The following ACER3 variants were observed in gnomAD, a reference collection of about 807,000 sequenced individuals.
ACER3 encodes the protein alkaline ceramidase 3.
In ACER3, 16 loss-of-function variants were observed where a neutral mutation model predicts 48.9. That is an observed-to-expected ratio of 0.33 (90% CI 0.22 to 0.50). The LOEUF is 0.50. Among genes scored for constraint, ACER3 ranks in the 20% least tolerant of loss-of-function variants. The probability of loss-of-function intolerance (pLI) is 0.98; values close to 1 mark genes in which losing one functional copy is unlikely to be tolerated. For synonymous variants in ACER3, 109 were observed against 107.8 expected (o/e 1.01, Z -0.07); for missense variants, 227 against 326.0 (o/e 0.70, Z 2.34).
chr11:76,983,285 T>G (rs1006080305), intron 4 of ACER3, among the ~76,000 whole-genome samples: 3 of 152,170 alleles, frequency 2.0e-5, no homozygotes, highest in Admixed American at 1.3e-4. Context: ...TAGCCCTATG[T>G]TTTTCATGGT....
chr11:76,961,234 A>T lies in ACER3; in HGVS notation c.267+2203A>T, dbSNP rs867215595. Among the ~76,000 whole-genome samples, 6 of 152,256 alleles carry T rather than the reference A, an allele frequency of 3.9e-5. No individual in the cohort carries two copies. The South Asian group carries it at 1.0e-3, about 26-fold the overall frequency. On this transcript the variant is annotated intron_variant, in intron 3 of 10. Coordinates refer to ENST00000532485, the MANE Select transcript of ACER3 (RefSeq NM_018367.7). ...AGTCGCAAATACGGAAAAGATGAAA[A>T]CTAGAATGAGCTCTGTGGTGACAAA...
At chr11:76,893,240 C>G (rs1418851428) in intron 1 of ACER3, among the ~76,000 whole-genome samples, 1 of 152,060 alleles carries the variant, frequency 6.6e-6, no homozygotes, top group Non-Finnish European at 1.5e-5. Flanking sequence ...CATAGTGACA[C>G]GTGCCTGTAG....
chr11:76,930,489 AT>A (rs1946966545), intron 2 of ACER3, among the ~76,000 whole-genome samples: 1 of 94,388 alleles, frequency 1.1e-5, no homozygotes, highest in Admixed American at 9.2e-5. Context: ...GATCTTAGTT[AT>A]TTCTTGCCTT....
chr11:76,888,275 A>G (rs2134608047), intron 1 of ACER3, among the ~76,000 whole-genome samples: 1 of 152,358 alleles, frequency 6.6e-6, no homozygotes, highest in Non-Finnish European at 1.5e-5. Flanking sequence ...AAAACATGGC[A>G]TTAATTTAAA....
At chr11:76,874,979 A>G (rs983825294) in intron 1 of ACER3, among the ~76,000 whole-genome samples, 2 of 152,144 alleles carry the variant, frequency 1.3e-5, no homozygotes, top group Admixed American at 6.5e-5. Context: ...TCTCTGAGTC[A>G]GTGGATATCT....
chr11:76,952,246 A>G (rs571673189), intron 2 of ACER3, among the ~76,000 whole-genome samples: 3 of 151,402 alleles, frequency 2.0e-5, no homozygotes, highest in South Asian at 4.2e-4. Flanking sequence ...AGAATTCACT[A>G]TACTATTCTT....
At chr11:76,970,015 CTT>C (rs1244630630) in intron 3 of ACER3, among the ~76,000 whole-genome samples, 2 of 151,786 alleles carry the variant, frequency 1.3e-5, no homozygotes, top group African/African-American at 2.4e-5. Context: ...TAACTTAACT[CTT>C]AGCTTTCATG....
intron 9 of ACER3, among the ~76,000 whole-genome samples, chr11:77,018,622 T>G: frequency 6.6e-6 from 1 of 152,150 alleles, no homozygotes; most frequent in East Asian, 1.9e-4. Flanking sequence ...TTGAAGGAAA[T>G]TAAAAGTGCT....
chr11:76,880,777 G>T (rs1362665572), intron 1 of ACER3, among the ~76,000 whole-genome samples: 2 of 152,218 alleles, frequency 1.3e-5, no homozygotes, highest in East Asian at 3.8e-4. Flanking sequence ...CTGCCATGGG[G>T]AGAAATAGCA....
intron 1 of ACER3, among the ~76,000 whole-genome samples, chr11:76,919,371 T>A (rs548334773): frequency 2.0e-5 from 3 of 152,308 alleles, no homozygotes; most frequent in Non-Finnish European, 4.4e-5. Context: ...TCCCCAAACT[T>A]TGTTTCTCAT....
chr11:76,958,792 A>G, intron 2 of ACER3, 187 bp from the exon 3 acceptor site: 2 of 601,482 alleles, frequency 3.3e-6, no homozygotes, highest in Non-Finnish European at 5.8e-6. Flanking sequence ...CTTATATTGT[A>G]CTTCTTTTCT....
intron 2 of ACER3, among the ~76,000 whole-genome samples, chr11:76,933,494 A>T (rs564452766): frequency 1.3e-5 from 2 of 151,132 alleles, no homozygotes; most frequent in African/African-American, 4.8e-5. Context: ...CTTAACGAGC[A>T]TGCTGCCTTC....
chr11:76,896,391 G>T (rs1454336776), intron 1 of ACER3, among the ~76,000 whole-genome samples: 1 of 151,466 alleles, frequency 6.6e-6, no homozygotes, highest in Non-Finnish European at 1.5e-5. Context: ...GGGCCTGGTG[G>T]CTCACGCCTG....
intron 3 of ACER3, among the ~76,000 whole-genome samples, chr11:76,966,197 CA>C (rs562762506): frequency 6.6e-6 from 1 of 151,954 alleles, no homozygotes; most frequent in Non-Finnish European, 1.5e-5. Flanking sequence ...CAACAAAGAT[CA>C]AAAGAGACAA....
rs1240666207 is a variant in ACER3 at position 77,025,409 on chromosome 11, T to TATATAC, written c.*5084_*5085insATACAT. On this transcript the variant is annotated 3_prime_UTR_variant, in exon 11 of 11. Coordinates refer to ENST00000532485, the MANE Select transcript of ACER3 (RefSeq NM_018367.7). ...TTTATTCTTTATATATATATATATATATTTATTTATTTTTTTGAGACAGAG... is the reference window on the plus strand; with the variant it reads ...TTTATTCTTTATATATATATATATATATATACATTTATTTATTTTTTTGAGACAGAG... 3 of 133,426 alleles carry TATATAC rather than the reference T, an allele frequency of 2.2e-5. No homozygotes were observed. The highest frequency in any genetic ancestry group is 3.2e-5 in the Non-Finnish European group (2 of 62,948). The allele number at this position is 133,426 out of a possible 1,614,324, so 8.3% of individuals were successfully genotyped here.
intron 1 of ACER3, chr11:76,868,143 A>G: frequency 7.8e-7 from 1 of 1,289,748 alleles, no homozygotes; most frequent in African/African-American, 1.5e-5. Flanking sequence ...ATCCTCCCTG[A>G]AGAGCAACCT....
intron 1 of ACER3, among the ~76,000 whole-genome samples, chr11:76,873,759 T>C (rs1180930489): frequency 1.3e-5 from 2 of 152,086 alleles, no homozygotes; most frequent in Non-Finnish European, 2.9e-5. Context: ...ATTTTTTTTT[T>C]TAAGTGGAAC....
intron 6 of ACER3, chr11:76,994,230 C>G (rs1008941625): frequency 2.2e-6 from 1 of 453,006 alleles, no homozygotes; most frequent in African/African-American, 2.0e-5. Flanking sequence ...CTCCCAGGTT[C>G]GTTATTCTTA....
chr11:76,862,296 AAAAAG>A (rs1283241178), intron 1 of ACER3, among the ~76,000 whole-genome samples: 2 of 152,216 alleles, frequency 1.3e-5, no homozygotes, highest in Admixed American at 1.3e-4. Context: ...AAAAAAAAAA[AAAAAG>A]AACACTTTTT....
Sources: gnomAD v4.1 joint callset for allele counts (sites outside exome capture counted in the v4.1 genomes callset) on GRCh38, gnomAD v4.1.1 for gene constraint, MANE v1.5 for transcripts, NCBI Gene and HGNC (gene_info 2026-07-23, HGNC 2026-07-21) for gene names.